The following HECW2 variants were observed in gnomAD, a reference collection of about 807,000 sequenced individuals.
The protein encoded by HECW2 is E3 ubiquitin-protein ligase HECW2.
A neutral mutation model predicts 175.2 loss-of-function variants in HECW2; 61 were observed. That is an observed-to-expected ratio of 0.35 (90% confidence interval 0.28 to 0.43). The LOEUF (loss-of-function observed/expected upper bound fraction) is 0.43. Ranked by LOEUF, HECW2 falls within the 20% of genes least tolerant of loss-of-function variation. HECW2 has a pLI of 1.00. For synonymous variants in HECW2, 671 were observed against 731.0 expected, an observed-to-expected ratio of 0.92 and a Z score of 1.32; for missense variants, 1,524 against 2,000.5, an observed-to-expected ratio of 0.76 and a Z score of 4.54.
intron 2 of HECW2, among the ~76,000 whole-genome samples, chr2:196,393,498 T>C (rs77002590): frequency 0.58 from 88,781 of 152,014 alleles, 29,287 homozygotes; most frequent in East Asian, 0.84. Context: ...GCAAAGGATA[T>C]GAATAGACAA....
At chr2:196,457,308 T>C (rs181423856) in intron 1 of HECW2, among the ~76,000 whole-genome samples, 5 of 152,352 alleles carry the variant, frequency 3.3e-5, no homozygotes, top group African/African-American at 4.8e-5. Flanking sequence ...TTTTGAATAA[T>C]ACAAACTGAC....
intron 1 of HECW2, among the ~76,000 whole-genome samples, chr2:196,488,318 A>G (rs1687074595): frequency 6.6e-6 from 1 of 152,198 alleles, no homozygotes; most frequent in African/African-American, 2.4e-5. Context: ...ATTTCTGACA[A>G]ATATTTCCAC....
At chr2:196,314,391 C>T (rs1216166969) in intron 10 of HECW2, among the ~76,000 whole-genome samples, 1 of 152,188 alleles carries the variant, frequency 6.6e-6, no homozygotes, top group Non-Finnish European at 1.5e-5. Context: ...ACCGTGTAAG[C>T]CACCCTCTGC....
At chr2:196,460,386 A>C (rs2125325449) in intron 1 of HECW2, among the ~76,000 whole-genome samples, 1 of 152,300 alleles carries the variant, frequency 6.6e-6, no homozygotes, top group South Asian at 2.1e-4. Context: ...ATTCACCCTA[A>C]TTAGAAGGCC....
chr2:196,238,350 G>A (rs960945516), intron 21 of HECW2: 1 of 152,154 alleles, frequency 6.6e-6, no homozygotes, highest in African/African-American at 2.4e-5. Flanking sequence ...AAAAAGTTAG[G>A]GTTGTTCATT....
At chr2:196,337,618 AT>A (rs1692599086) in intron 3 of HECW2, among the ~76,000 whole-genome samples, 1 of 151,282 alleles carries the variant, frequency 6.6e-6, no homozygotes, top group South Asian at 2.1e-4. Context: ...ACATTTTAAT[AT>A]TTGCATATAC....
At chr2:196,449,422 C>A (rs1696281551) in intron 1 of HECW2, among the ~76,000 whole-genome samples, 2 of 152,140 alleles carry the variant, frequency 1.3e-5, no homozygotes, top group Non-Finnish European at 2.9e-5. Flanking sequence ...ATGATTTCTG[C>A]AGAATAGATA....
At chr2:196,299,758 T>C (rs1398026550) in intron 13 of HECW2, among the ~76,000 whole-genome samples, 1 of 152,024 alleles carries the variant, frequency 6.6e-6, no homozygotes, top group African/African-American at 2.4e-5. Context: ...TGAAACCCCG[T>C]CTCTACTAAA....
chr2:196,403,861 C>T (rs1694886605), intron 2 of HECW2, among the ~76,000 whole-genome samples: 1 of 152,178 alleles, frequency 6.6e-6, no homozygotes, highest in African/African-American at 2.4e-5. Flanking sequence ...GAAAGCCAGA[C>T]ACTTCTTCAA....
At chr2:196,270,207 T>G (rs1689675074) in intron 17 of HECW2, among the ~76,000 whole-genome samples, 1 of 81,286 alleles carries the variant, frequency 1.2e-5, no homozygotes, top group Non-Finnish European at 2.5e-5. Context: ...CACACTTAGA[T>G]AGAGAAATAC....
intron 1 of HECW2, among the ~76,000 whole-genome samples, chr2:196,581,646 G>T (rs1222019620): frequency 6.6e-6 from 1 of 152,158 alleles, no homozygotes; most frequent in African/African-American, 2.4e-5. Flanking sequence ...TTAAAATTTA[G>T]TTAGGAAAAT....
chr2:196,269,313 C>T (rs13004625), intron 17 of HECW2: 41,465 of 151,578 alleles, frequency 0.27, 6,026 homozygotes, highest in African/African-American at 0.38. Context: ...GGTGAAATCC[C>T]GTCTCTACTA....
intron 1 of HECW2, among the ~76,000 whole-genome samples, chr2:196,513,263 C>A (rs1317878756): frequency 6.6e-6 from 1 of 152,184 alleles, no homozygotes; most frequent in Non-Finnish European, 1.5e-5. Flanking sequence ...AAAGTATTCA[C>A]ACTTTGGGAG....
chr2:196,428,868 G>A (rs1695624095), intron 2 of HECW2, among the ~76,000 whole-genome samples: 1 of 152,134 alleles, frequency 6.6e-6, no homozygotes, highest in South Asian at 2.1e-4. Flanking sequence ...AACAACTGCA[G>A]GTACAAGAAA....
chr2:196,520,129 T>C (rs1051991378), intron 1 of HECW2, among the ~76,000 whole-genome samples: 1 of 152,228 alleles, frequency 6.6e-6, no homozygotes, highest in Non-Finnish European at 1.5e-5. Flanking sequence ...TCGTTGAAAG[T>C]AATGTACCAA....
At chr2:196,233,887 T>C (rs1688145307) in intron 21 of HECW2, among the ~76,000 whole-genome samples, 1 of 152,214 alleles carries the variant, frequency 6.6e-6, no homozygotes, top group African/African-American at 2.4e-5. Context: ...GGTTGGTTAC[T>C]TTATAAGCAG....
intron 2 of HECW2, among the ~76,000 whole-genome samples, chr2:196,345,790 C>T (rs1480074743): frequency 1.3e-5 from 2 of 152,210 alleles, no homozygotes; most frequent in African/African-American, 4.8e-5. Flanking sequence ...GTTTGGATCA[C>T]TGCTCCAGGT....
intron 1 of HECW2, among the ~76,000 whole-genome samples, chr2:196,568,512 C>G (rs1055714696): frequency 6.6e-6 from 1 of 152,186 alleles, no homozygotes; most frequent in Non-Finnish European, 1.5e-5. Context: ...ATGGGTTTAT[C>G]AGGACATAAC....
intron 1 of HECW2, among the ~76,000 whole-genome samples, chr2:196,520,191 A>G (rs536563518): frequency 1.3e-5 from 2 of 152,280 alleles, no homozygotes; most frequent in African/African-American, 4.8e-5. Context: ...GAAGGCTAAC[A>G]ATAGAGGAAA....
Sources: allele counts gnomAD v4.1 joint callset (sites outside exome capture counted in the v4.1 genomes callset), GRCh38; gene constraint gnomAD v4.1.1; transcripts MANE v1.5; gene names NCBI Gene and HGNC (gene_info 2026-07-23, HGNC 2026-07-21).